Variants in TRPC3 observed in about 807,000 individuals in gnomAD.
TRPC3 encodes short transient receptor potential channel 3.
In TRPC3, 54 loss-of-function variants were observed where a neutral mutation model predicts 90.9. That is an observed-to-expected ratio of 0.59 (90% CI 0.48 to 0.75). The LOEUF (loss-of-function observed/expected upper bound fraction) is 0.75, where lower values mean the gene tolerates loss of function less well. Among genes scored for constraint, TRPC3 ranks in the 30% least tolerant of loss-of-function variants. TRPC3 has a pLI of 0.00. For synonymous variants in TRPC3, 424 were observed against 450.9 expected (o/e 0.94, Z 0.75); for missense variants, 918 against 1,194.5 (o/e 0.77, Z 3.41).
intron 1 of TRPC3, among the ~76,000 whole-genome samples, chr4:121,937,995 C>A (rs753781029): frequency 6.6e-6 from 1 of 150,992 alleles, no homozygotes; most frequent in East Asian, 1.9e-4. Context: ...TTCTGCCTCC[C>A]GGGCTCAAGT....
intron 4 of TRPC3, among the ~76,000 whole-genome samples, chr4:121,913,224 G>C (rs1729173305): frequency 6.6e-6 from 1 of 152,166 alleles, no homozygotes; most frequent in Admixed American, 6.5e-5. Flanking sequence ...GGCACGTTTG[G>C]GGGTAGCTTA....
chr4:121,921,916 T>C (rs1336533650), intron 3 of TRPC3, among the ~76,000 whole-genome samples: 2 of 116,892 alleles, frequency 1.7e-5, no homozygotes, highest in African/African-American at 6.0e-5. Context: ...TGGGTTTTTT[T>C]TTGTTTTTTT....
chr4:121,916,611 T>C (rs2149129501), intron 3 of TRPC3, among the ~76,000 whole-genome samples: 1 of 152,196 alleles, frequency 6.6e-6, no homozygotes, highest in Admixed American at 6.5e-5. Flanking sequence ...CATGTGAGGA[T>C]ACAATGAGAA....
chr4:121,948,377 T>TTTC (rs570893473), intron 1 of TRPC3, among the ~76,000 whole-genome samples: 1 of 149,260 alleles, frequency 6.7e-6, no homozygotes. Flanking sequence ...TTTTTTTTTT[T>TTTC]CCCTCAATTT....
chr4:121,932,664 A>AG lies in TRPC3; in HGVS notation c.593dup (p.Gly199TrpfsTer14), dbSNP rs1560713778. On this transcript the variant is annotated frameshift_variant, in exon 2 of 12. Transcript: ENST00000379645. LOFTEE classifies it high-confidence loss of function. This position sits in a 1 kb window ranked among gnomAD's most constrained non-coding sequence, Gnocchi z 7.7. ...TGAGACGCTTGCTGGCCGCGAAGCC[A>AG]GGGTGGTTGAGGATGGCCTCTACGA... 2 of 1,612,722 alleles carry AG rather than the reference A, an allele frequency of 1.2e-6. No homozygotes were observed. Among genetic ancestry groups the AG allele is most frequent in the South Asian group, 2.2e-5 (2 of 91,052 alleles).
Position 121,951,212 on chromosome 4 carries a change from C to T in TRPC3, c.215+254G>A, listed in dbSNP as rs1702580281. 6.6e-6 allele frequency among the ~76,000 whole-genome samples: 1 copy of T among 152,184 alleles called. No homozygotes were observed. The highest frequency in any genetic ancestry group is 1.5e-5 in the Non-Finnish European group (1 of 68,026). Reference sequence around the variant, plus strand: ...CAGTGTGCCCGCCTGCGGGCTGTTCCGTGTGCTTGAGCCTGGACAGAGCCC... The same window carrying T: ...CAGTGTGCCCGCCTGCGGGCTGTTCTGTGTGCTTGAGCCTGGACAGAGCCC... On this transcript the variant is annotated intron_variant, in intron 1 of 11. Transcript: ENST00000379645. This position sits in a 1 kb window ranked among gnomAD's most constrained non-coding sequence, Gnocchi z 4.4.
At chr4:121,882,964 GTATTA>G (rs1204527189) in intron 10 of TRPC3, among the ~76,000 whole-genome samples, 2 of 151,820 alleles carry the variant, frequency 1.3e-5, no homozygotes, top group African/African-American at 4.8e-5. Flanking sequence ...ATTACTGTAA[GTATTA>G]TATTTTATGT....
chr4:121,877,591 G>A lies in TRPC3; in HGVS notation c.*2145C>T, dbSNP rs1727798654. ...AGACAGGTGCACTGGTCCAGTAGAG[G>A]GCATCTGGGCAGGGCATCAAAAACA... On this transcript the variant is annotated 3_prime_UTR_variant, in exon 12 of 12. Coordinates refer to ENST00000379645, the MANE Select transcript of TRPC3 (RefSeq NM_001130698.2). Among the ~76,000 whole-genome samples the A allele has an allele frequency of 6.6e-6, 1 of 152,050 alleles. No homozygotes were observed. The highest frequency in any genetic ancestry group is 1.5e-5 in the Non-Finnish European group (1 of 68,012).
intron 3 of TRPC3, among the ~76,000 whole-genome samples, chr4:121,923,882 G>C (rs575194086): frequency 1.3e-5 from 2 of 152,252 alleles, no homozygotes; most frequent in South Asian, 4.1e-4. Flanking sequence ...ATTTCTTTGT[G>C]ATTTATCAGT....
intron 4 of TRPC3, 90 bp downstream of exon 4, chr4:121,914,690 T>C: frequency 3.0e-6 from 4 of 1,321,570 alleles, no homozygotes; most frequent in Admixed American, 4.7e-5. Context: ...GTAAAACTGA[T>C]AAGATTCTTA....
intron 1 of TRPC3, among the ~76,000 whole-genome samples, chr4:121,944,226 T>A (rs1730415653): frequency 6.6e-6 from 1 of 152,056 alleles, no homozygotes. Flanking sequence ...GCAAAGAGCC[T>A]CCCCTCCTTA....
At chr4:121,924,976 G>A (rs1457453779) in intron 3 of TRPC3, 42 bp downstream of exon 3, 1 of 1,564,114 alleles carries the variant, frequency 6.4e-7, no homozygotes, top group African/African-American at 1.4e-5. Context: ...TGTATCACAT[G>A]TTTATTCTAA....
At chr4:121,888,081 A>G (rs1029943161) in intron 10 of TRPC3, among the ~76,000 whole-genome samples, 3 of 152,122 alleles carry the variant, frequency 2.0e-5, no homozygotes, top group African/African-American at 7.2e-5. Flanking sequence ...TGCAGCCTCA[A>G]ACTCCTGGAC....
chr4:121,913,189 CTTG>C (rs1729171616), intron 4 of TRPC3, among the ~76,000 whole-genome samples: 1 of 152,166 alleles, frequency 6.6e-6, no homozygotes, highest in South Asian at 2.1e-4. Context: ...TACACATCAC[CTTG>C]TTGTTACACA....
At chr4:121,931,457 A>G (rs1393141317) in intron 2 of TRPC3, among the ~76,000 whole-genome samples, 1 of 152,212 alleles carries the variant, frequency 6.6e-6, no homozygotes, top group Non-Finnish European at 1.5e-5. Context: ...GGAGGTAGCA[A>G]CTGATTAAAA....
intron 9 of TRPC3, among the ~76,000 whole-genome samples, chr4:121,901,378 C>G (rs1002183756): frequency 3.3e-5 from 5 of 152,148 alleles, no homozygotes; most frequent in Non-Finnish European, 5.9e-5. Flanking sequence ...CAAGGGTGGA[C>G]TCAGGTGCTG....
At chr4:121,918,831 T>C (rs1179330927) in intron 3 of TRPC3, among the ~76,000 whole-genome samples, 2 of 152,212 alleles carry the variant, frequency 1.3e-5, no homozygotes, top group Non-Finnish European at 2.9e-5. Context: ...AGTACAATAA[T>C]AGCAAGTGAA....
chr4:121,887,614 T>A (rs929885306), intron 10 of TRPC3, among the ~76,000 whole-genome samples: 1 of 152,214 alleles, frequency 6.6e-6, no homozygotes, highest in Non-Finnish European at 1.5e-5. Context: ...ATACTGTATT[T>A]GTTTGGACCA....
In TRPC3 at chr4:121,951,815, G is replaced by A; in HGVS notation, c.-135C>T. On this transcript the variant is annotated 5_prime_UTR_variant, in exon 1 of 12. Coordinates refer to ENST00000379645, the MANE Select transcript of TRPC3 (RefSeq NM_001130698.2). This position sits in a 1 kb window ranked among gnomAD's most constrained non-coding sequence, Gnocchi z 4.4. Reference sequence around the variant, plus strand: ...GCCCCGGGCGGCCCAGGGCGGGAAGGCAGGAGCGGAGAGCGTCGCGGCCCG... The same window carrying A: ...GCCCCGGGCGGCCCAGGGCGGGAAGACAGGAGCGGAGAGCGTCGCGGCCCG... 1.6e-6 allele frequency: 1 copy of A among 639,568 alleles called. No homozygotes were observed. Among genetic ancestry groups the A allele is most frequent in the Non-Finnish European group, 2.3e-6 (1 of 436,370 alleles). 39.6% of individuals were successfully genotyped at this position (639,568 alleles called of 1,614,324 possible). A position where few individuals can be genotyped will look rare whatever the true frequency, so the allele number is the denominator to read the frequency against.
Sources: gnomAD v4.1 joint callset for allele counts (sites outside exome capture counted in the v4.1 genomes callset) on GRCh38, gnomAD v4.1.1 for gene constraint, Gnocchi (gnomAD v3.1) non-coding constraint, MANE v1.5 for transcripts, NCBI Gene and HGNC (gene_info 2026-07-23, HGNC 2026-07-21) for gene names.